DZIP3: variants seen among roughly 807,000 people sequenced by gnomAD.
DZIP3 encodes the protein DAZ interacting zinc finger protein 3, also known as E3 ubiquitin-protein ligase DZIP3.
DZIP3 carries 118 observed loss-of-function variants against 162.0 expected under a neutral mutation model. The ratio of observed to expected loss-of-function variants is 0.73; its 90% CI spans 0.63 to 0.85. The LOEUF is 0.85. Ranked by LOEUF, DZIP3 falls within the 40% of genes least tolerant of loss-of-function variation. DZIP3 has a pLI of 0.00. For missense variants in DZIP3, 1,331 were observed against 1,407.0 expected (o/e 0.95, Z 0.86); for synonymous variants, 438 against 458.6 (o/e 0.96, Z 0.57).
chr3:108,619,244 C>A lies in DZIP3; in HGVS notation c.375+2587C>A, dbSNP rs144503775. ...TATGAGCAGAGGAGTCCAGGGTTCT[C>A]CAGAGAAACCAGACTGGTTTTTGCT... On this transcript the variant is annotated intron_variant, in intron 5 of 32. Transcript: ENST00000361582. Among the ~76,000 whole-genome samples, 628 of 151,664 alleles carry A rather than the reference C, an allele frequency of 4.1e-3. 4 individuals carry two copies. The highest frequency in any genetic ancestry group is 0.015 in the African/African-American group (610 of 41,320).
chr3:108,633,174 AAG>A (rs1464739534), intron 9 of DZIP3, 102 bp downstream of exon 9: 7 of 532,396 alleles, frequency 1.3e-5, no homozygotes, highest in East Asian at 1.7e-4. Flanking sequence ...AATATTTTAA[AAG>A]AGCATTTAGT....
At position 108,644,743 on chromosome 3, in the gene DZIP3, C is replaced by T. The variant is rs1367751467; in HGVS notation, c.1721C>T (p.Pro574Leu). The T allele has an allele frequency of 1.9e-6, 3 of 1,607,582 alleles. No homozygotes were observed. The African/African-American group carries it at 4.0e-5, about 21-fold the overall frequency. Residue 574 changes from proline to leucine, a missense_variant, in exon 14 of 33, where the codon CCA becomes CTA. Physicochemically the swap from Pro to Leu is moderately conservative, Grantham distance 98. Coordinates refer to ENST00000361582, the MANE Select transcript of DZIP3 (RefSeq NM_014648.4). The part of the protein sequence containing the change: ...QLSVYLGIPV[P>L]EIIQRMLSCY... ...TCTGTCTACCTAGGCATACCAGTAC[C>T]AGAAATCATACAGAGGATGTTATCC... is the stretch of plus-strand genomic sequence containing the variant.
intron 1 of DZIP3, among the ~76,000 whole-genome samples, chr3:108,597,993 T>C (rs1237578648): frequency 1.3e-5 from 2 of 152,200 alleles, no homozygotes; most frequent in African/African-American, 4.8e-5. Context: ...TTCAGTACCA[T>C]GTATAGTATC....
chr3:108,686,336 T>C, intron 27 of DZIP3, 109 bp from the exon 28 acceptor site: 2 of 1,028,766 alleles, frequency 1.9e-6, no homozygotes, highest in Non-Finnish European at 2.6e-6. Context: ...ACTGTAAAAA[T>C]TGAATGTGTA....
At chr3:108,631,055 ACTCTCTCTCTCTCTCT>A (rs1270598841) in intron 8 of DZIP3, among the ~76,000 whole-genome samples, 1 of 18,006 alleles carries the variant, frequency 5.6e-5, no homozygotes, top group Admixed American at 8.5e-4. Context: ...ACACACACAC[ACTCTCTCTCTCTCTCT>A]CTCTCTCTCT....
chr3:108,631,060 C>CA (rs1340790234), intron 8 of DZIP3, among the ~76,000 whole-genome samples: 1 of 133,838 alleles, frequency 7.5e-6, no homozygotes, highest in Non-Finnish European at 1.6e-5. Flanking sequence ...CACACACTCT[C>CA]TCTCTCTCTC....
chr3:108,612,990 A>G (rs1377368049), intron 4 of DZIP3, among the ~76,000 whole-genome samples: 4 of 152,178 alleles, frequency 2.6e-5, no homozygotes, highest in South Asian at 2.1e-4. Flanking sequence ...CCCCTGTACC[A>G]GTTCTAAAGA....
At position 108,661,933 on chromosome 3, in the gene DZIP3, T is replaced by A. The variant is rs1259134596; in HGVS notation, c.2256T>A (p.Ala752=). ...DYGETEKERL[A]RQRQLYKLHY... is the part of the protein sequence containing the mutation. ...GAGAAACTGAAAAGGAAAGGCTTGC[T>A]CGTCAAAGGCAGCTTTATAAATTGC... Residue 752 remains alanine, a synonymous_variant, in exon 20 of 33, where the codon GCT becomes GCA. Coordinates refer to ENST00000361582, the MANE Select transcript of DZIP3 (RefSeq NM_014648.4). The A allele has an allele frequency of 6.2e-7, 1 of 1,614,042 alleles. No individual in the cohort carries two copies. The highest frequency in any genetic ancestry group is 8.5e-7 in the Non-Finnish European group (1 of 1,179,940).
Position 108,611,247 on chromosome 3 carries a change from A to G in DZIP3, c.176A>G (p.Asn59Ser). 6.2e-7 allele frequency: 1 copy of G among 1,611,224 alleles called. No individual in the cohort carries two copies. The highest frequency in any genetic ancestry group is 8.5e-7 in the Non-Finnish European group (1 of 1,178,570). ...CTATTAGAAGTGAAGAAGTTATTAAATGCAATTAATACTCTACCAAAAGGT... is the reference window on the plus strand; with the variant it reads ...CTATTAGAAGTGAAGAAGTTATTAAGTGCAATTAATACTCTACCAAAAGGT... ...NLLLEVKKLL[N>S]AINTLPKGVV... The change falls in exon 4 of 33, where the codon AAT becomes AGT. Residue 59 changes from asparagine (N) to serine (S), a missense_variant. This residue lies in a region of DZIP3 where 1,278 missense variants were observed against 1,317.1 expected (regional missense o/e 0.97). Transcript: ENST00000361582.
chr3:108,646,838 C>T (rs1942644557), intron 15 of DZIP3, among the ~76,000 whole-genome samples, 189 bp downstream of exon 15: 1 of 152,038 alleles, frequency 6.6e-6, no homozygotes, highest in Admixed American at 6.6e-5. Context: ...GTCAGGAGAT[C>T]GAGACCATCT....
At chr3:108,623,933 A>G (rs1941479877) in intron 5 of DZIP3, among the ~76,000 whole-genome samples, 1 of 152,172 alleles carries the variant, frequency 6.6e-6, no homozygotes, top group Non-Finnish European at 1.5e-5. Context: ...TTCCAGTGCA[A>G]AGTCCTTCCC....
chr3:108,613,593 A>T (rs1406408797), intron 4 of DZIP3, among the ~76,000 whole-genome samples: 1 of 152,188 alleles, frequency 6.6e-6, no homozygotes, highest in Non-Finnish European at 1.5e-5. Flanking sequence ...CTTATAACTG[A>T]TATAACATGG....
At chr3:108,604,419 C>T (rs1045815675) in intron 1 of DZIP3, among the ~76,000 whole-genome samples, 1 of 152,134 alleles carries the variant, frequency 6.6e-6, no homozygotes, top group Non-Finnish European at 1.5e-5. Flanking sequence ...GGAAGCCAGC[C>T]TAGCACAAAG....
chr3:108,631,304 A>G (rs1941875922), intron 8 of DZIP3, among the ~76,000 whole-genome samples: 1 of 151,618 alleles, frequency 6.6e-6, no homozygotes, highest in Admixed American at 6.6e-5. Flanking sequence ...ATGGGAGGTA[A>G]ATTTTTTGAG....
intron 7 of DZIP3, among the ~76,000 whole-genome samples, chr3:108,627,832 G>C (rs1576380372): frequency 6.6e-6 from 1 of 152,058 alleles, no homozygotes; most frequent in South Asian, 2.1e-4. Context: ...TTTCTCACTT[G>C]GGCTCTCCAC....
At chr3:108,675,172 G>A (rs1160934556) in intron 24 of DZIP3, among the ~76,000 whole-genome samples, 1 of 146,270 alleles carries the variant, frequency 6.8e-6, no homozygotes, top group East Asian at 1.9e-4. Context: ...AGAGATAATA[G>A]ACCCTAACAA....
intron 26 of DZIP3, among the ~76,000 whole-genome samples, chr3:108,682,457 C>G (rs1482750978): frequency 3.3e-5 from 5 of 150,826 alleles, no homozygotes; most frequent in Admixed American, 3.3e-4. Flanking sequence ...GAAATCCTGT[C>G]ATTTGTGACA....
chr3:108,598,111 G>T (rs1195160521), intron 1 of DZIP3, among the ~76,000 whole-genome samples: 1 of 152,146 alleles, frequency 6.6e-6, no homozygotes, highest in South Asian at 2.1e-4. Context: ...TACTAAGAAT[G>T]TGTAAATAGT....
rs1940282479 is a variant in DZIP3 at position 108,605,360 on chromosome 3, G to C, written c.-47G>C. The stretch of plus-strand genomic sequence containing the variant: ...CATTAAAGGGCAGTATTTAAAGTCA[G>C]TTGGCAAGCAGTGGAATAAGATTTT... On this transcript the variant is annotated 5_prime_UTR_variant, in exon 2 of 33. Coordinates refer to ENST00000361582, the MANE Select transcript of DZIP3 (RefSeq NM_014648.4). 6.2e-7 allele frequency: 1 copy of C among 1,612,526 alleles called. No homozygotes were observed. Among genetic ancestry groups the C allele is most frequent in the South Asian group, 1.1e-5 (1 of 90,904 alleles).
Sources: gnomAD v4.1 joint callset for allele counts (sites outside exome capture counted in the v4.1 genomes callset) on GRCh38, gnomAD v4.1.1 for gene constraint, gnomAD v4.1.1 regional missense constraint, MANE v1.5 for transcripts, NCBI Gene and HGNC (gene_info 2026-07-23, HGNC 2026-07-21) for gene names.